The following EPHA3 variants were observed in gnomAD, a reference collection of about 807,000 sequenced individuals.
EPHA3 encodes ephrin type-A receptor 3.
In EPHA3, 42 loss-of-function variants were observed where a neutral mutation model predicts 107.1. The ratio of observed to expected loss-of-function variants is 0.39; its 90% CI spans 0.31 to 0.51. The LOEUF is 0.51. EPHA3 is among the 20% of genes least tolerant of loss of function. The pLI is 0.78. For synonymous variants in EPHA3, 461 were observed against 424.8 expected (o/e 1.09, Z -1.05); for missense variants, 1,183 against 1,211.2 (o/e 0.98, Z 0.35).
intron 1 of EPHA3, among the ~76,000 whole-genome samples, chr3:89,112,801 T>A (rs1479858078): frequency 2.6e-5 from 4 of 152,056 alleles, no homozygotes; most frequent in African/African-American, 7.2e-5. Context: ...TTTGAATCAT[T>A]CTTTCAATGA....
intron 2 of EPHA3, 144 bp from the exon 3 acceptor site, chr3:89,209,716 A>G: frequency 1.5e-6 from 1 of 653,382 alleles, no homozygotes; most frequent in Non-Finnish European, 2.5e-6. Flanking sequence ...AACTCAGAGA[A>G]CCTTGCAAAT....
intron 3 of EPHA3, among the ~76,000 whole-genome samples, chr3:89,222,326 C>T (rs1195574511): frequency 2.2e-5 from 3 of 138,532 alleles, no homozygotes; most frequent in East Asian, 2.1e-4. Context: ...AATACATATA[C>T]ATATATATAT....
chr3:89,281,161 C>G (rs1417110683), intron 3 of EPHA3, among the ~76,000 whole-genome samples: 4 of 152,016 alleles, frequency 2.6e-5, no homozygotes, highest in Non-Finnish European at 5.9e-5. Flanking sequence ...GTAGCTGGGA[C>G]TACAGGCCCA....
At chr3:89,255,754 A>C (rs1705269941) in intron 3 of EPHA3, among the ~76,000 whole-genome samples, 1 of 152,084 alleles carries the variant, frequency 6.6e-6, no homozygotes, top group Non-Finnish European at 1.5e-5. Flanking sequence ...TACAAAAATT[A>C]GCCAGGCATG....
intron 3 of EPHA3, among the ~76,000 whole-genome samples, chr3:89,314,403 A>G (rs1706843312): frequency 6.6e-6 from 1 of 151,956 alleles, no homozygotes; most frequent in African/African-American, 2.4e-5. Context: ...TTTTTCAAAC[A>G]AAGATCTTTA....
intron 5 of EPHA3, 142 bp from the exon 6 acceptor site, chr3:89,395,695 G>C (rs1436407498): frequency 1.0e-6 from 1 of 983,546 alleles, no homozygotes; most frequent in Non-Finnish European, 1.5e-6. Context: ...CTTGGAAATG[G>C]AAATAGTGCT....
At chr3:89,407,885 G>A (rs1171724900) in intron 8 of EPHA3, among the ~76,000 whole-genome samples, 182 bp from the exon 9 acceptor site, 2 of 152,124 alleles carry the variant, frequency 1.3e-5, no homozygotes, top group African/African-American at 2.4e-5. Flanking sequence ...CAGCTTTCCA[G>A]GGTTCCCAGA....
At chr3:89,187,182 T>C in intron 2 of EPHA3, among the ~76,000 whole-genome samples, 1 of 147,948 alleles carries the variant, frequency 6.8e-6, no homozygotes, top group East Asian at 2.0e-4. Context: ...ATAAAAGCCC[T>C]TTCTTATTAC....
chr3:89,431,459 A>G lies in EPHA3; in HGVS notation c.2346+100A>G, dbSNP rs1709568159. On this transcript the variant is annotated intron_variant, in intron 13 of 16. Transcript: ENST00000336596. ...AATCATGACCCAAAACGTGTTGTCA[A>G]TTATGCTTTCCACAATAGAAAACAT... The G allele has an allele frequency of 3.3e-6, 3 of 922,142 alleles. No homozygotes were observed. In the East Asian group the frequency reaches 7.9e-5, roughly 24 times the overall value. The allele number at this position is 922,142 out of a possible 1,614,324, so 57.1% of individuals were successfully genotyped here. A position where few individuals can be genotyped will look rare whatever the true frequency, so the allele number is the denominator to read the frequency against.
At chr3:89,108,511 T>C (rs1323162688) in intron 1 of EPHA3, among the ~76,000 whole-genome samples, 1 of 152,204 alleles carries the variant, frequency 6.6e-6, no homozygotes, top group East Asian at 1.9e-4. Context: ...TATATACAAA[T>C]AGGAGAATGT....
At chr3:89,333,416 A>G (rs1707331643) in intron 3 of EPHA3, among the ~76,000 whole-genome samples, 1 of 152,222 alleles carries the variant, frequency 6.6e-6, no homozygotes, top group Non-Finnish European at 1.5e-5. Context: ...TAGAAAATTA[A>G]CATTTTGCAA....
intron 3 of EPHA3, among the ~76,000 whole-genome samples, chr3:89,336,715 A>G (rs774652453): frequency 1.6e-4 from 24 of 152,214 alleles, no homozygotes; most frequent in Admixed American, 7.2e-4. Flanking sequence ...TCCAACTAAA[A>G]GGACACTTAC....
chr3:89,117,620 A>G (rs930464296), intron 1 of EPHA3, among the ~76,000 whole-genome samples: 6 of 152,108 alleles, frequency 3.9e-5, no homozygotes, highest in African/African-American at 1.2e-4. Flanking sequence ...TATCACCAAC[A>G]GTATTGTCCT....
At chr3:89,248,487 C>T (rs187848503) in intron 3 of EPHA3, among the ~76,000 whole-genome samples, 246 of 152,258 alleles carry the variant, frequency 1.6e-3, no homozygotes, top group Non-Finnish European at 2.5e-3. Context: ...TATTTCTCTT[C>T]GGCTAATATT....
chr3:89,450,766 G>A (rs1209077614), intron 15 of EPHA3, among the ~76,000 whole-genome samples: 1 of 152,052 alleles, frequency 6.6e-6, no homozygotes, highest in Non-Finnish European at 1.5e-5. Context: ...AATTAGCCTG[G>A]TGTGGTGGCA....
intron 2 of EPHA3, among the ~76,000 whole-genome samples, chr3:89,129,558 A>C (rs1206941624): frequency 6.6e-6 from 1 of 151,146 alleles, no homozygotes; most frequent in Non-Finnish European, 1.5e-5. Context: ...TAACCATAAT[A>C]TATATAAGGA....
intron 5 of EPHA3, among the ~76,000 whole-genome samples, chr3:89,361,242 T>A (rs1440005217): frequency 6.6e-6 from 1 of 151,072 alleles, no homozygotes; most frequent in African/African-American, 2.4e-5. Context: ...AATAAAGACC[T>A]ATGAATTCCT....
intron 3 of EPHA3, among the ~76,000 whole-genome samples, chr3:89,215,979 T>C (rs1474176107): frequency 6.6e-6 from 1 of 151,956 alleles, no homozygotes; most frequent in Non-Finnish European, 1.5e-5. Flanking sequence ...TGCTTTATAG[T>C]ATCAAGTTCT....
In EPHA3 at chr3:89,345,913, A is replaced by G. The variant is rs538146761; in HGVS notation, c.1306+3823A>G. On this transcript the variant is annotated intron_variant, in intron 5 of 16. Transcript: ENST00000336596. ...TAGTTTACTGAGAATGATGATTTCC[A>G]ATTTCATCCATGTCCCTACAAAGGA... Among the ~76,000 whole-genome samples, 630 of 145,746 alleles carry G rather than the reference A, an allele frequency of 4.3e-3. 33 individuals are homozygous for G. Among genetic ancestry groups the G allele is most frequent in the Admixed American group, 0.04 (576 of 14,434 alleles).
Sources: allele counts gnomAD v4.1 joint callset (sites outside exome capture counted in the v4.1 genomes callset), GRCh38; gene constraint gnomAD v4.1.1; transcripts MANE v1.5; gene names NCBI Gene and HGNC (gene_info 2026-07-23, HGNC 2026-07-21).